Variants in IGFL2 observed in about 807,000 individuals in gnomAD.
IGFL2 encodes IGF like family member 2, also known as insulin growth factor-like family member 2.
A neutral mutation model predicts 13.9 loss-of-function variants in IGFL2; 7 were observed. The observed-to-expected ratio is 0.51, with a 90% CI of 0.29 to 0.95. The LOEUF (loss-of-function observed/expected upper bound fraction) is 0.95. Among genes scored for constraint, IGFL2 ranks in the 40% least tolerant of loss-of-function variants. IGFL2 has a pLI of 0.08. For missense variants in IGFL2, 138 were observed against 147.8 expected (o/e 0.93, Z 0.34); for synonymous variants, 55 against 55.8 (o/e 0.99, Z 0.07).
At chr19:46,115,574 A>C in the IGFL2 span, among the ~76,000 whole-genome samples, 1 of 152,086 alleles carries the variant, frequency 6.6e-6, no homozygotes, top group Non-Finnish European at 1.5e-5. Context: ...CCAACCCCAG[A>C]AACCTCAGCC....
the IGFL2 span, among the ~76,000 whole-genome samples, chr19:46,102,209 G>A: frequency 5.9e-5 from 9 of 152,112 alleles, no homozygotes; most frequent in South Asian, 4.1e-4. Context: ...TCATGCGCGC[G>A]TCTGTGTGAA....
chr19:46,194,221 A>G, the IGFL2 span, among the ~76,000 whole-genome samples: 2 of 152,084 alleles, frequency 1.3e-5, no homozygotes, highest in Non-Finnish European at 2.9e-5. Flanking sequence ...GACCACCAGA[A>G]TGCCCAGATG....
chr19:46,185,207 C>G, the IGFL2 span, among the ~76,000 whole-genome samples: 1 of 152,156 alleles, frequency 6.6e-6, no homozygotes, highest in Non-Finnish European at 1.5e-5. Flanking sequence ...GTTGTCTGTT[C>G]ACTCTGCTGA....
upstream of IGFL2, among the ~76,000 whole-genome samples, chr19:46,140,273 A>C (rs945124096): frequency 2.0e-5 from 3 of 150,808 alleles, no homozygotes; most frequent in African/African-American, 7.3e-5. Flanking sequence ...ATATATCTCA[A>C]AATGGTAGAA....
At chr19:46,211,095 T>C in the IGFL2 span, among the ~76,000 whole-genome samples, 2 of 152,180 alleles carry the variant, frequency 1.3e-5, no homozygotes, top group Non-Finnish European at 2.9e-5. Flanking sequence ...GACACAGAAA[T>C]GGCACCTGAA....
chr19:46,084,820 G>T, the IGFL2 span, among the ~76,000 whole-genome samples: 551 of 152,292 alleles, frequency 3.6e-3, 3 homozygotes, highest in African/African-American at 0.012. Flanking sequence ...TTCAACATGA[G>T]ATTTGGTGGG....
At chr19:46,146,190 C>G (rs1307724038), upstream of IGFL2, among the ~76,000 whole-genome samples, 2 of 151,794 alleles carry the variant, frequency 1.3e-5, no homozygotes, top group Non-Finnish European at 2.9e-5. Context: ...TTGTCTCACA[C>G]CATTTGTTGA....
chr19:46,135,479 T>C, the IGFL2 span, among the ~76,000 whole-genome samples: 1 of 151,870 alleles, frequency 6.6e-6, no homozygotes, highest in Non-Finnish European at 1.5e-5. Flanking sequence ...AACCATCCCC[T>C]TTAGTGTAGG....
the IGFL2 span, among the ~76,000 whole-genome samples, chr19:46,090,837 G>C: frequency 0.013 from 2,049 of 152,308 alleles, 32 homozygotes; most frequent in Middle Eastern, 0.027. Context: ...TAGTCCATAG[G>C]TACTGATATG....
chr19:46,086,213 G>T, the IGFL2 span, among the ~76,000 whole-genome samples: 4 of 151,942 alleles, frequency 2.6e-5, no homozygotes, highest in African/African-American at 9.7e-5. Flanking sequence ...CTCATTCATA[G>T]CCCGAATTGT....
the IGFL2 span, among the ~76,000 whole-genome samples, chr19:46,082,274 C>A: frequency 6.6e-6 from 1 of 152,200 alleles, no homozygotes; most frequent in African/African-American, 2.4e-5. Context: ...GACAGTTAAA[C>A]TCTCCTGGGT....
chr19:46,171,947 A>G, the IGFL2 span, among the ~76,000 whole-genome samples: 1 of 152,040 alleles, frequency 6.6e-6, no homozygotes, highest in Non-Finnish European at 1.5e-5. Flanking sequence ...GAAGCTCTGA[A>G]GAACTTTCAC....
the IGFL2 span, among the ~76,000 whole-genome samples, chr19:46,119,724 C>G: frequency 6.7e-6 from 1 of 148,722 alleles, no homozygotes; most frequent in African/African-American, 2.5e-5. Context: ...TCCCTAACCC[C>G]TTCACAAGAC....
At chr19:46,204,324 G>GA in the IGFL2 span, 3 of 151,594 alleles carry the variant, frequency 2.0e-5, no homozygotes, top group Non-Finnish European at 4.4e-5. Flanking sequence ...CTGGGACTGG[G>GA]GGGGGTTGCT....
the IGFL2 span, among the ~76,000 whole-genome samples, chr19:46,109,029 G>T: frequency 3.3e-5 from 5 of 152,308 alleles, no homozygotes; most frequent in Middle Eastern, 3.4e-3. Context: ...TGAGGGTGAG[G>T]ACAGGGGACT....
At chr19:46,179,284 G>A in the IGFL2 span, among the ~76,000 whole-genome samples, 79 of 149,750 alleles carry the variant, frequency 5.3e-4, no homozygotes, top group African/African-American at 1.9e-3. Context: ...GTTGTGGGGT[G>A]CGGGGTCTGT....
chr19:46,103,473 A>T, the IGFL2 span, among the ~76,000 whole-genome samples: 2 of 152,190 alleles, frequency 1.3e-5, no homozygotes, highest in African/African-American at 4.8e-5. Flanking sequence ...GGACTTCATC[A>T]GGGTGAAAGT....
the IGFL2 span, chr19:46,212,317 C>T: frequency 6.6e-6 from 1 of 152,498 alleles, no homozygotes; most frequent in South Asian, 2.1e-4. Flanking sequence ...CAGAGAGAAG[C>T]CCCTGTCCAT....
At chr19:46,080,931 G>A in the IGFL2 span, among the ~76,000 whole-genome samples, 10 of 152,216 alleles carry the variant, frequency 6.6e-5, no homozygotes, top group African/African-American at 9.7e-5. Flanking sequence ...ACACTGTAGC[G>A]CAGGCTTCCC....
Sources: gnomAD v4.1 joint callset for allele counts (sites outside exome capture counted in the v4.1 genomes callset) on GRCh38, gnomAD v4.1.1 for gene constraint, MANE v1.5 for transcripts, NCBI Gene and HGNC (gene_info 2026-07-23, HGNC 2026-07-21) for gene names.